PDK3: variants seen among roughly 807,000 people sequenced by gnomAD.
The protein encoded by PDK3 is pyruvate dehydrogenase kinase 3.
A neutral mutation model predicts 32.0 loss-of-function variants in PDK3; 12 were observed. The observed-to-expected ratio is 0.37, with a 90% CI of 0.24 to 0.61. The LOEUF (loss-of-function observed/expected upper bound fraction) is 0.61. PDK3 is among the 20% of genes least tolerant of loss of function. PDK3 has a pLI of 0.65. For synonymous variants in PDK3, 122 were observed against 116.3 expected (o/e 1.05, Z -0.31); for missense variants, 188 against 316.9 (o/e 0.59, Z 3.09).
At chrX:24,525,974 A>G (rs1922514731) in intron 6 of PDK3, among the ~76,000 whole-genome samples, 1 of 112,737 alleles carries the variant, frequency 8.9e-6, no homozygotes, top group African/African-American at 3.2e-5. Context: ...TGAGTGATTT[A>G]TCCAAGGTCA....
In PDK3 at chrX:24,465,570, G is replaced by C; in HGVS notation, c.106+9G>C. ...ACAATTCCTGGACTTCGGTGAGTAC[G>C]GGGCCAAGGGTCCCCATGGGCCCGG... On this transcript the variant is annotated intron_variant, in intron 1 of 10. Transcript: ENST00000379162. 1.7e-6 allele frequency: 2 copies of C among 1,147,852 alleles called. No homozygotes were observed. Among genetic ancestry groups the C allele is most frequent in the Non-Finnish European group, 2.4e-6 (2 of 841,526 alleles). The allele number at this position is 1,147,852 out of a possible 1,213,427, so 94.6% of individuals were successfully genotyped here. A position where few individuals can be genotyped will look rare whatever the true frequency, so the allele number is the denominator to read the frequency against.
chrX:24,527,157 T>C (rs1391945006), intron 7 of PDK3, among the ~76,000 whole-genome samples: 1 of 111,478 alleles, frequency 9.0e-6, no homozygotes, highest in Non-Finnish European at 1.9e-5. Context: ...TTCTGCCTTC[T>C]TTAGAGAAAA....
intron 5 of PDK3, among the ~76,000 whole-genome samples, chrX:24,517,663 G>A (rs752817149): frequency 1.8e-5 from 2 of 112,892 alleles, no homozygotes; most frequent in African/African-American, 6.4e-5. Context: ...CCAATGTCTT[G>A]TAATGCACCT....
chrX:24,465,688 G>A (rs1382394069), intron 1 of PDK3, 127 bp downstream of exon 1: 1 of 518,090 alleles, frequency 1.9e-6, no homozygotes, highest in Non-Finnish European at 3.2e-6. Context: ...TATCCGGGGG[G>A]CTCTCCTGGG....
rs555728756 is a variant in PDK3 at position 24,530,262 on chromosome X, C to G, written c.964-1395C>G. On this transcript the variant is annotated intron_variant, in intron 9 of 10. Coordinates refer to ENST00000379162, the MANE Select transcript of PDK3 (RefSeq NM_005391.5). Reference sequence around the variant, plus strand: ...AATAATGGGGTACGTTCTTTTACCCCCTGCCCTTTCAGTTAAACCCTACCC... The same window carrying G: ...AATAATGGGGTACGTTCTTTTACCCGCTGCCCTTTCAGTTAAACCCTACCC... 6.1e-4 allele frequency among the ~76,000 whole-genome samples: 68 copies of G among 111,313 alleles called. No homozygotes were observed. In the South Asian group the frequency reaches 0.021, roughly 34 times the overall value.
At chrX:24,513,253 C>T (rs1347698158) in intron 5 of PDK3, among the ~76,000 whole-genome samples, 1 of 111,393 alleles carries the variant, frequency 9.0e-6, no homozygotes, top group African/African-American at 3.3e-5. Context: ...AAAAAATCTC[C>T]ATTGGATCCC....
At chrX:24,477,342 C>T (rs376449460) in intron 1 of PDK3, among the ~76,000 whole-genome samples, 1 of 111,624 alleles carries the variant, frequency 9.0e-6, no homozygotes, top group African/African-American at 3.3e-5. Context: ...ATTTTGTAAC[C>T]AGAATCTGAA....
intron 1 of PDK3, among the ~76,000 whole-genome samples, chrX:24,471,477 T>C (rs1164919263): frequency 1.8e-5 from 2 of 112,462 alleles, no homozygotes; most frequent in Non-Finnish European, 3.7e-5. Context: ...CTCTAATTTA[T>C]TGATGTTAAC....
chrX:24,535,302 G>A (rs1922746272), downstream of PDK3, among the ~76,000 whole-genome samples: 1 of 111,240 alleles, frequency 9.0e-6, no homozygotes, highest in Admixed American at 9.5e-5. Flanking sequence ...GTCAGGAGTT[G>A]GAGACCAGCC....
Position 24,505,310 on chromosome X carries a change from G to A in PDK3, c.595+12G>A, listed in dbSNP as rs372395777. 12 of 1,117,162 alleles carry A rather than the reference G, an allele frequency of 1.1e-5. No individual in the cohort carries two copies. The highest frequency in any genetic ancestry group is 2.4e-4 in the Middle Eastern group (1 of 4,128). The allele number at this position is 1,117,162 out of a possible 1,213,427, so 92.1% of individuals were successfully genotyped here. On this transcript the variant is annotated intron_variant, in intron 5 of 10. Transcript: ENST00000379162. ...GGATGTGGTGAAAGGTAAGGAGACC[G>A]TTGTAATGGTATCGATCGTAGTTCA...
At chrX:24,519,387 T>G (rs2078427119) in intron 6 of PDK3, among the ~76,000 whole-genome samples, 1 of 102,897 alleles carries the variant, frequency 9.7e-6, no homozygotes. Flanking sequence ...TTTTTTTTTT[T>G]GAGAAGGAGT....
At chrX:24,521,840 A>C (rs1311241653) in intron 6 of PDK3, among the ~76,000 whole-genome samples, 1 of 111,986 alleles carries the variant, frequency 8.9e-6, no homozygotes, top group African/African-American at 3.2e-5. Context: ...TCCTATCACT[A>C]AGATAAATGA....
chrX:24,510,725 C>G (rs1922096490), intron 5 of PDK3, among the ~76,000 whole-genome samples: 1 of 111,984 alleles, frequency 8.9e-6, no homozygotes, highest in African/African-American at 3.2e-5. Context: ...CTTCCTGTGT[C>G]TAATCTGTGA....
At chrX:24,472,627 T>C (rs1921002487) in intron 1 of PDK3, among the ~76,000 whole-genome samples, 1 of 108,719 alleles carries the variant, frequency 9.2e-6, no homozygotes. Flanking sequence ...TTAATGTGGC[T>C]ACTAGGAAAT....
chrX:24,471,141 C>T (rs934087134), intron 1 of PDK3, among the ~76,000 whole-genome samples: 2 of 110,966 alleles, frequency 1.8e-5, no homozygotes, highest in African/African-American at 6.6e-5. Flanking sequence ...CACCATGGCA[C>T]GTGTATACCT....
intron 1 of PDK3, among the ~76,000 whole-genome samples, chrX:24,487,845 G>A (rs937978223): frequency 1.8e-5 from 2 of 109,327 alleles, no homozygotes; most frequent in South Asian, 3.9e-4. Context: ...AGGAGGCATG[G>A]TCTCTGTTGA....
chrX:24,500,131 AGTTTCCAC>A (rs1921817163), intron 3 of PDK3, among the ~76,000 whole-genome samples: 1 of 111,120 alleles, frequency 9.0e-6, no homozygotes, highest in South Asian at 3.8e-4. Flanking sequence ...TTGTACTGGC[AGTTTCCAC>A]ATCCTTGGAT....
Position 24,465,512 on chromosome X carries a change from C to G in PDK3, c.57C>G (p.Tyr19Ter). 1 of 1,210,035 alleles carries G rather than the reference C, an allele frequency of 8.3e-7. No individual in the cohort carries two copies. The highest frequency in any genetic ancestry group is 1.1e-6 in the Non-Finnish European group (1 of 893,800). ...CGGTGCCCAAGCAGATCGAGCGCTA[C>G]TCGCGCTTTTCGCCGTCGCCGCTCT... ...KQPVPKQIER[Y>*]SRFSPSPLSI... Residue 19 changes from tyrosine (Y) to a stop codon, truncating the protein, a stop_gained, in exon 1 of 11, where the codon TAC becomes TAG. Transcript: ENST00000379162. LOFTEE classifies it high-confidence loss of function.
chrX:24,521,483 A>C (rs1001814372), intron 6 of PDK3, among the ~76,000 whole-genome samples: 32 of 110,827 alleles, frequency 2.9e-4, no homozygotes, highest in African/African-American at 9.5e-4. Flanking sequence ...TCCCCATTGA[A>C]TAAATATACT....
Sources: allele counts gnomAD v4.1 joint callset (sites outside exome capture counted in the v4.1 genomes callset), GRCh38; gene constraint gnomAD v4.1.1; transcripts MANE v1.5; gene names NCBI Gene and HGNC (gene_info 2026-07-23, HGNC 2026-07-21).